Variants in CADM2 observed in about 807,000 individuals in gnomAD.
The protein encoded by CADM2 is cell adhesion molecule 2.
In CADM2, 12 loss-of-function variants were observed where a neutral mutation model predicts 49.8. The observed-to-expected ratio is 0.24, with a 90% confidence interval of 0.15 to 0.39. The LOEUF (loss-of-function observed/expected upper bound fraction) is 0.39. CADM2 is among the 10% of genes least tolerant of loss of function. CADM2 has a pLI of 1.00. For synonymous variants in CADM2, 214 were observed against 175.4 expected (o/e 1.22, Z -1.74); for missense variants, 378 against 492.3 (o/e 0.77, Z 2.20).
intron 8 of CADM2, among the ~76,000 whole-genome samples, chr3:85,968,563 A>G (rs745889041): frequency 2.6e-5 from 4 of 151,634 alleles, no homozygotes; most frequent in Non-Finnish European, 4.4e-5. Context: ...CCTGCCTTCT[A>G]TCACTAAACA....
intron 1 of CADM2, among the ~76,000 whole-genome samples, chr3:85,029,479 T>C (rs1252156271): frequency 1.3e-5 from 2 of 152,202 alleles, no homozygotes; most frequent in Non-Finnish European, 2.9e-5. Flanking sequence ...TGTGTCAGTT[T>C]GATGGTTTAC....
chr3:85,546,157 C>T (rs1033640718), intron 1 of CADM2, among the ~76,000 whole-genome samples: 6 of 152,126 alleles, frequency 3.9e-5, no homozygotes, highest in Non-Finnish European at 7.4e-5. Context: ...TTTTTACCTT[C>T]CTAAGAAGGT....
chr3:85,473,845 C>CT (rs1384594213), intron 1 of CADM2, among the ~76,000 whole-genome samples: 3 of 152,008 alleles, frequency 2.0e-5, no homozygotes, highest in Non-Finnish European at 4.4e-5. Flanking sequence ...GCCTGTACAA[C>CT]TTTTTTGTGA....
chr3:85,507,689 A>G (rs944806568), intron 1 of CADM2, among the ~76,000 whole-genome samples: 9 of 152,158 alleles, frequency 5.9e-5, no homozygotes, highest in Non-Finnish European at 1.2e-4. Context: ...TAAATGAGAG[A>G]GTGAAAGAAA....
intron 1 of CADM2, among the ~76,000 whole-genome samples, chr3:85,337,530 A>T (rs1029678187): frequency 1.3e-5 from 2 of 151,378 alleles, no homozygotes; most frequent in Non-Finnish European, 3.0e-5. Context: ...TGGCTTTCAA[A>T]TAACCATTTA....
chr3:85,579,688 C>T (rs770026405), intron 1 of CADM2, among the ~76,000 whole-genome samples: 3 of 151,956 alleles, frequency 2.0e-5, no homozygotes, highest in Non-Finnish European at 2.9e-5. Context: ...AAAGTAAGTG[C>T]CAGTGACCTA....
intron 1 of CADM2, among the ~76,000 whole-genome samples, chr3:85,668,869 GA>G (rs2065653287): frequency 6.6e-6 from 1 of 152,010 alleles, no homozygotes; most frequent in African/African-American, 2.4e-5. Context: ...AATGTCTCTG[GA>G]TATTCACATT....
At chr3:85,628,047 C>T (rs994727159) in intron 1 of CADM2, among the ~76,000 whole-genome samples, 1 of 152,108 alleles carries the variant, frequency 6.6e-6, no homozygotes, top group South Asian at 2.1e-4. Context: ...CAGTATGAAT[C>T]GGTAGTAATA....
intron 2 of CADM2, among the ~76,000 whole-genome samples, chr3:85,757,946 G>A (rs201234032): frequency 2.6e-5 from 4 of 152,038 alleles, no homozygotes; most frequent in African/African-American, 7.2e-5. Context: ...TATAGATTTC[G>A]CCAGGGTGTG....
At chr3:85,817,074 C>A (rs2073252769) in intron 3 of CADM2, among the ~76,000 whole-genome samples, 1 of 152,194 alleles carries the variant, frequency 6.6e-6, no homozygotes, top group Non-Finnish European at 1.5e-5. Flanking sequence ...TCCCTGCAGG[C>A]TCTTGTGAGC....
chr3:86,021,449 A>G (rs997626125), intron 8 of CADM2, among the ~76,000 whole-genome samples: 4 of 152,176 alleles, frequency 2.6e-5, no homozygotes, highest in Admixed American at 6.5e-5. Context: ...TAGTGTAGAC[A>G]TGGCTTAAGT....
In CADM2 at chr3:85,602,028, T is replaced by C. The variant is rs187815767; in HGVS notation, c.62-124494T>C. 7.7e-3 allele frequency among the ~76,000 whole-genome samples: 1,172 copies of C among 151,924 alleles called. 21 individuals carry two copies. The highest frequency in any genetic ancestry group is 0.027 in the African/African-American group (1,131 of 41,558). On this transcript the variant is annotated intron_variant, in intron 1 of 9. Transcript: ENST00000383699. ...AACCTTCAAACATTGTTCCGTTCAG[T>C]GGCTACTATTGTAATTTAAACTTTC...
At chr3:85,827,111 C>T (rs1452061334) in intron 3 of CADM2, among the ~76,000 whole-genome samples, 1 of 151,760 alleles carries the variant, frequency 6.6e-6, no homozygotes, top group Non-Finnish European at 1.5e-5. Flanking sequence ...ATTAATACTG[C>T]CTTTTTCAAT....
chr3:85,133,597 T>A (rs1178588446), intron 1 of CADM2, among the ~76,000 whole-genome samples: 1 of 149,906 alleles, frequency 6.7e-6, no homozygotes, highest in Non-Finnish European at 1.5e-5. Context: ...ACATAAATGT[T>A]CTCCAAGGCC....
chr3:85,584,045 G>C (rs2107309255), intron 1 of CADM2, among the ~76,000 whole-genome samples: 1 of 152,010 alleles, frequency 6.6e-6, no homozygotes, highest in Admixed American at 6.6e-5. Flanking sequence ...AATGCAATTT[G>C]TCATATTGTT....
intron 3 of CADM2, among the ~76,000 whole-genome samples, chr3:85,865,882 A>G (rs978228028): frequency 2.2e-4 from 34 of 152,212 alleles, no homozygotes; most frequent in Admixed American, 6.5e-5. Flanking sequence ...ATTTCAAGAA[A>G]TATGACATTT....
At chr3:85,543,436 G>A in intron 1 of CADM2, among the ~76,000 whole-genome samples, 1 of 150,786 alleles carries the variant, frequency 6.6e-6, no homozygotes, top group South Asian at 2.1e-4. Flanking sequence ...GTGTGTGTGT[G>A]TGTGTGTGTG....
intron 1 of CADM2, among the ~76,000 whole-genome samples, chr3:85,358,110 T>C (rs1184583257): frequency 6.6e-6 from 1 of 152,050 alleles, no homozygotes; most frequent in African/African-American, 2.4e-5. Context: ...AGCCTATGAA[T>C]TGTATAATGT....
At chr3:85,752,210 G>A (rs2068889995) in intron 2 of CADM2, among the ~76,000 whole-genome samples, 2 of 152,040 alleles carry the variant, frequency 1.3e-5, no homozygotes, top group East Asian at 1.9e-4. Flanking sequence ...TCAAAGATGA[G>A]GCCTAGCCAG....
Sources: gnomAD v4.1 joint callset for allele counts (sites outside exome capture counted in the v4.1 genomes callset) on GRCh38, gnomAD v4.1.1 for gene constraint, MANE v1.5 for transcripts, NCBI Gene and HGNC (gene_info 2026-07-23, HGNC 2026-07-21) for gene names.